The following TBX2 variants were observed in gnomAD, a reference collection of about 807,000 sequenced individuals.
The protein encoded by TBX2 is T-box transcription factor TBX2.
Under a neutral mutation model 48.4 loss-of-function variants are expected in TBX2, and 19 were observed. The observed-to-expected ratio is 0.39, with a 90% confidence interval of 0.27 to 0.58. The LOEUF is 0.58. TBX2 is among the 20% of genes least tolerant of loss of function. The pLI is 0.54. For synonymous variants in TBX2, 522 were observed against 459.7 expected (o/e 1.14, Z -1.73); for missense variants, 994 against 1,006.5 (o/e 0.99, Z 0.17).
In TBX2 at chr17:61,404,766, C is replaced by G. The variant is rs569358507; in HGVS notation, c.1048C>G (p.Arg350Gly). ...APSPLRLHRA[R>G]AEEKSCAADS... ...CAGTCCGCTGCGCCTGCACCGGGCC[C>G]GAGGTGAGGGTCGGACCGGAGGAGG... Residue 350 changes from arginine (R) to glycine (G), a missense_variant, in exon 5 of 7, where the codon CGA becomes GGA. Physicochemically the swap from Arg to Gly is moderately radical, Grantham distance 125. Around this residue, in one of 5 missense-constraint regions of TBX2, gnomAD observed 639 missense variants for 613.2 expected, o/e 1.04. Coordinates refer to ENST00000240328, the MANE Select transcript of TBX2 (RefSeq NM_005994.4). 42 of 1,546,664 alleles carry G rather than the reference C, an allele frequency of 2.7e-5. No homozygotes were observed. The South Asian group carries it at 2.9e-4, about 11-fold the overall frequency.
Position 61,404,475 on chromosome 17 carries a change from G to T in TBX2, c.865G>T (p.Gly289Trp). The T allele has an allele frequency of 6.2e-7, 1 of 1,612,014 alleles. No homozygotes were observed. The highest frequency in any genetic ancestry group is 1.1e-5 in the South Asian group (1 of 90,760). ...GTTTGCCAAGGGCTTCCGGGACACC[G>T]GGAACGGCCGGCGGGAGAAAAGGTG... is the stretch of plus-strand genomic sequence containing the variant. Reference protein sequence around the residue: ...NPFAKGFRDTGNGRREKRKQL... With the variant: ...NPFAKGFRDTWNGRREKRKQL... The change falls in exon 4 of 7, where the codon GGG (glycine) becomes TGG (tryptophan). Residue 289 changes from glycine to tryptophan, a missense_variant. By Grantham distance (184) the Gly-to-Trp change is radical. This residue lies in a region of TBX2 where 14 missense variants were observed against 43.4 expected (regional missense o/e 0.32). Coordinates refer to ENST00000240328, the MANE Select transcript of TBX2 (RefSeq NM_005994.4).
At position 61,409,181 on chromosome 17, in the gene TBX2, G is replaced by A. The variant is rs1322490872; in HGVS notation, c.*675G>A. On this transcript the variant is annotated 3_prime_UTR_variant, in exon 7 of 7. Transcript: ENST00000240328. ...ATTAATTTATTCAAAGGTGTACATT[G>A]CTGTGTACATATATTTAGAGATTAA... 6.6e-6 allele frequency: 1 copy of A among 152,606 alleles called. No individual in the cohort carries two copies. The highest frequency in any genetic ancestry group is 1.5e-5 in the Non-Finnish European group (1 of 68,040). The allele number at this position is 152,606 out of a possible 1,614,324, so 9.5% of individuals were successfully genotyped here.
chr17:61,400,627 G>A lies in TBX2; in HGVS notation c.395+56G>A. 6.6e-7 allele frequency: 1 copy of A among 1,505,242 alleles called. No homozygotes were observed. Among genetic ancestry groups the A allele is most frequent in the Non-Finnish European group, 9.0e-7 (1 of 1,114,414 alleles). 93.2% of individuals were successfully genotyped at this position (1,505,242 alleles called of 1,614,324 possible). ...GGGCGGGCGGGCGGGCTGGGGCACG[G>A]GACTGCACGGATCAGAGCAGAGCTG... On this transcript the variant is annotated intron_variant, in intron 1 of 6. Coordinates refer to ENST00000240328, the MANE Select transcript of TBX2 (RefSeq NM_005994.4). The surrounding 1 kb of genome is among the most constrained non-coding windows in gnomAD (Gnocchi z 9.2).
Position 61,408,192 on chromosome 17 carries a change from A to G in TBX2, c.1825A>G (p.Ser609Gly), listed in dbSNP as rs1298755634. ...AAAAAGSLSR[S>G]PFLGSARPRL... ...CGCAGCCGCCGGCTCCCTCTCCCGG[A>G]GCCCCTTCCTGGGCAGTGCCCGGCC... The change falls in exon 7 of 7, where the codon AGC (serine) becomes GGC (glycine). Residue 609 changes from serine (S) to glycine (G), a missense_variant. By Grantham distance (56) the Ser-to-Gly change is moderately conservative. This residue lies in a region of TBX2 where 639 missense variants were observed against 613.2 expected (regional missense o/e 1.04). Transcript: ENST00000240328. The G allele has an allele frequency of 6.2e-7, 1 of 1,612,756 alleles. No individual in the cohort carries two copies.
chr17:61,400,611 G>C lies in TBX2; in HGVS notation c.395+40G>C. 6.6e-7 allele frequency: 1 copy of C among 1,520,704 alleles called. No homozygotes were observed. The allele number at this position is 1,520,704 out of a possible 1,614,324, so 94.2% of individuals were successfully genotyped here. On this transcript the variant is annotated intron_variant, in intron 1 of 6. Coordinates refer to ENST00000240328, the MANE Select transcript of TBX2 (RefSeq NM_005994.4). This position sits in a 1 kb window ranked among gnomAD's most constrained non-coding sequence, Gnocchi z 9.2. ...CGGCTGGAAGGCGCGCGGGCGGGCG[G>C]GCGGGCTGGGGCACGGGACTGCACG...
At position 61,409,191 on chromosome 17, in the gene TBX2, T is replaced by C. The variant is rs1050097634; in HGVS notation, c.*685T>C. On this transcript the variant is annotated 3_prime_UTR_variant, in exon 7 of 7. Transcript: ENST00000240328. ...TCAAAGGTGTACATTGCTGTGTACA[T>C]ATATTTAGAGATTAACTCATACATT... 9 of 152,778 alleles carry C rather than the reference T, an allele frequency of 5.9e-5. No individual in the cohort carries two copies. The highest frequency in any genetic ancestry group is 1.9e-4 in the African/African-American group (8 of 41,592). The allele number at this position is 152,778 out of a possible 1,614,324, so 9.5% of individuals were successfully genotyped here. A position where few individuals can be genotyped will look rare whatever the true frequency, so the allele number is the denominator to read the frequency against.
In TBX2 at chr17:61,401,801, C is replaced by A. The variant is rs1280868930; in HGVS notation, c.513C>A (p.Arg171=). The A allele has an allele frequency of 1.9e-6, 3 of 1,613,178 alleles. No individual in the cohort carries two copies. Among genetic ancestry groups the A allele is most frequent in the East Asian group, 4.5e-5 (2 of 44,888 alleles). ...GCCGCTATAAGTTCCACAACTCGCG[C>A]TGGATGGTGGCGGGCAAGGCCGACC... The part of the protein sequence containing the change: ...DDCRYKFHNS[R]WMVAGKADPE... The change falls in exon 2 of 7, where the codon CGC becomes CGA. Residue 171 remains arginine, a synonymous_variant. Coordinates refer to ENST00000240328, the MANE Select transcript of TBX2 (RefSeq NM_005994.4).
In TBX2 at chr17:61,406,566, G is replaced by GTGGA. The variant is rs922677024; in HGVS notation, c.1686+731_1686+734dup. The GTGGA allele has an allele frequency of 1.3e-5, 2 of 152,154 alleles. No individual in the cohort carries two copies. Among genetic ancestry groups the GTGGA allele is most frequent in the African/African-American group, 4.8e-5 (2 of 41,404 alleles). The allele number at this position is 152,154 out of a possible 1,614,324, so 9.4% of individuals were successfully genotyped here. A position where few individuals can be genotyped will look rare whatever the true frequency, so the allele number is the denominator to read the frequency against. On this transcript the variant is annotated intron_variant, in intron 6 of 6. Coordinates refer to ENST00000240328, the MANE Select transcript of TBX2 (RefSeq NM_005994.4). This position sits in a 1 kb window ranked among gnomAD's most constrained non-coding sequence, Gnocchi z 5.7. ...GACAGTGGCCTCTTTGGTTGCTTGG[G>GTGGA]TGGAATATTCCCTGTGGAAAGATTT... is the stretch of plus-strand genomic sequence containing the variant.
chr17:61,404,647 A>C lies in TBX2; in HGVS notation c.929A>C (p.His310Pro), dbSNP rs2060279577. 6.3e-7 allele frequency: 1 copy of C among 1,579,274 alleles called. No individual in the cohort carries two copies. Among genetic ancestry groups the C allele is most frequent in the Non-Finnish European group, 8.6e-7 (1 of 1,162,734 alleles). ...TLPSLRLYEE[H>P]CKPERDGAES... ...CCGTCTCTACGCTTGTACGAGGAGC[A>C]CTGCAAACCCGAGCGCGATGGCGCG... The change falls in exon 5 of 7, where the codon CAC becomes CCC. Residue 310 changes from histidine (H) to proline (P), a missense_variant. This residue lies in a region of TBX2 where 639 missense variants were observed against 613.2 expected (regional missense o/e 1.04). Coordinates refer to ENST00000240328, the MANE Select transcript of TBX2 (RefSeq NM_005994.4).
chr17:61,408,404 C>G lies in TBX2; in HGVS notation c.2037C>G (p.Gly679=). Residue 679 remains glycine, a synonymous_variant, in exon 7 of 7, where the codon GGC becomes GGG. Transcript: ENST00000240328. The stretch of plus-strand genomic sequence containing the variant: ...CCCGCGGTGCCCTGTCGCCCAGTGG[C>G]TCGGCCAAGGAGGCGGCCAATGAAC... The part of the protein sequence containing the change: ...APSRGALSPS[G]SAKEAANELQ... The G allele has an allele frequency of 6.4e-7, 1 of 1,551,054 alleles. No homozygotes were observed. Among genetic ancestry groups the G allele is most frequent in the Non-Finnish European group, 8.7e-7 (1 of 1,148,048 alleles).
intron 6 of TBX2, 59 bp downstream of exon 6, chr17:61,405,895 C>A (rs2060287149): frequency 7.9e-7 from 1 of 1,259,242 alleles, no homozygotes; most frequent in South Asian, 3.7e-5. Context: ...GAGCTGGCGG[C>A]GAGGCCAGCG....
chr17:61,400,614 G>T lies in TBX2; in HGVS notation c.395+43G>T, dbSNP rs1440238748. 15 of 1,504,028 alleles carry T rather than the reference G, an allele frequency of 1.0e-5. No homozygotes were observed. The East Asian group carries it at 1.0e-4, about 10-fold the overall frequency. The allele number at this position is 1,504,028 out of a possible 1,614,324, so 93.2% of individuals were successfully genotyped here. On this transcript the variant is annotated intron_variant, in intron 1 of 6. Transcript: ENST00000240328. This position sits in a 1 kb window ranked among gnomAD's most constrained non-coding sequence, Gnocchi z 9.2. Reference sequence around the variant, plus strand: ...CTGGAAGGCGCGCGGGCGGGCGGGCGGGCTGGGGCACGGGACTGCACGGAT... The same window carrying T: ...CTGGAAGGCGCGCGGGCGGGCGGGCTGGCTGGGGCACGGGACTGCACGGAT...
chr17:61,400,161 TG>T lies in TBX2; in HGVS notation c.-13del. 9.7e-7 allele frequency: 1 copy of T among 1,031,840 alleles called. No homozygotes were observed. The highest frequency in any genetic ancestry group is 1.2e-6 in the Non-Finnish European group (1 of 856,556). The allele number at this position is 1,031,840 out of a possible 1,614,324, so 63.9% of individuals were successfully genotyped here. A position where few individuals can be genotyped will look rare whatever the true frequency, so the allele number is the denominator to read the frequency against. ...GCCCCGGCCCCGGCCCCCGGGCGCC[TG>T]GGCCGGATGTCCCGATGAGAGAGCC... On this transcript the variant is annotated 5_prime_UTR_variant, in exon 1 of 7. Transcript: ENST00000240328. This position sits in a 1 kb window ranked among gnomAD's most constrained non-coding sequence, Gnocchi z 9.2.
chr17:61,401,912 G>A lies in TBX2; in HGVS notation c.624G>A (p.Lys208=). ...QWMAKPVAFH[K]LKLTNNISDK... ...TGGCTAAGCCTGTGGCCTTCCACAA[G>A]CTGAAGCTGACCAACAACATCTCTG... The change falls in exon 2 of 7, where the codon AAG becomes AAA. Residue 208 remains lysine, a synonymous_variant. Transcript: ENST00000240328. 6.2e-7 allele frequency: 1 copy of A among 1,609,950 alleles called. No homozygotes were observed. The highest frequency in any genetic ancestry group is 1.7e-4 in the Middle Eastern group (1 of 6,044).
In TBX2 at chr17:61,403,359, G is replaced by A. The variant is rs957178978; in HGVS notation, c.810+152G>A. 38 of 1,293,538 alleles carry A rather than the reference G, an allele frequency of 2.9e-5. No individual in the cohort carries two copies. The South Asian group carries it at 4.5e-4, about 15-fold the overall frequency. The allele number at this position is 1,293,538 out of a possible 1,614,324, so 80.1% of individuals were successfully genotyped here. ...AGCACCGAGCCTCGCATCCATACGCGCAGCACTCACGGAAGTCCTCAAGGC... is the reference window on the plus strand; with the variant it reads ...AGCACCGAGCCTCGCATCCATACGCACAGCACTCACGGAAGTCCTCAAGGC... On this transcript the variant is annotated intron_variant, in intron 3 of 6. Transcript: ENST00000240328. This position sits in a 1 kb window ranked among gnomAD's most constrained non-coding sequence, Gnocchi z 5.8.
At position 61,404,573 on chromosome 17, in the gene TBX2, C is replaced by T. The variant is rs369368397; in HGVS notation, c.888-33C>T. 1.0e-4 allele frequency: 163 copies of T among 1,591,626 alleles called. No homozygotes were observed. The African/African-American group carries it at 2.1e-3, about 21-fold the overall frequency. ...AGCAGGAGGGATGGAGGGATGGGCT[C>T]CCCGCTGACCTGGTTCATCCGCTCA... On this transcript the variant is annotated intron_variant, in intron 4 of 6. Transcript: ENST00000240328.
At chr17:61,402,424 C>T (rs990597992) in intron 2 of TBX2, among the ~76,000 whole-genome samples, 2 of 150,518 alleles carry the variant, frequency 1.3e-5, no homozygotes, top group Admixed American at 6.6e-5. Context: ...CACCCACCCC[C>T]CCAGCCTCCC....
Position 61,408,789 on chromosome 17 carries a change from C to G in TBX2, c.*283C>G. The G allele has an allele frequency of 2.8e-6, 1 of 355,902 alleles. No individual in the cohort carries two copies. The highest frequency in any genetic ancestry group is 5.0e-6 in the Non-Finnish European group (1 of 200,322). 22.0% of individuals were successfully genotyped at this position (355,902 alleles called of 1,614,324 possible). On this transcript the variant is annotated 3_prime_UTR_variant, in exon 7 of 7. Coordinates refer to ENST00000240328, the MANE Select transcript of TBX2 (RefSeq NM_005994.4). ...TCCGAAGGTGTCTCTGGTCTTCCAGCGAGGTGGGAGAGGCCTCATCCAGGG... is the reference window on the plus strand; with the variant it reads ...TCCGAAGGTGTCTCTGGTCTTCCAGGGAGGTGGGAGAGGCCTCATCCAGGG...
chr17:61,402,927 C>T, intron 2 of TBX2, 134 bp from the exon 3 acceptor site: 1 of 323,698 alleles, frequency 3.1e-6, no homozygotes, highest in Non-Finnish European at 4.5e-6. Flanking sequence ...GAGGAAGAAC[C>T]GATAGAGAGA....
Sources: gnomAD v4.1 joint callset for allele counts (sites outside exome capture counted in the v4.1 genomes callset) on GRCh38, gnomAD v4.1.1 for gene constraint, gnomAD v4.1.1 regional missense constraint, Gnocchi (gnomAD v3.1) non-coding constraint, MANE v1.5 for transcripts, NCBI Gene and HGNC (gene_info 2026-07-23, HGNC 2026-07-21) for gene names.